The following CGN variants were observed in gnomAD, a reference collection of about 807,000 sequenced individuals.
CGN encodes the protein cingulin.
A neutral mutation model predicts 157.1 loss-of-function variants in CGN; 121 were observed. The ratio of observed to expected loss-of-function variants is 0.77; its 90% CI spans 0.66 to 0.90. CGN has a LOEUF of 0.90. Among genes scored for constraint, CGN ranks in the 40% least tolerant of loss-of-function variants. CGN has a pLI of 0.00. For synonymous variants in CGN, 535 were observed against 607.5 expected (o/e 0.88, Z 1.76); for missense variants, 1,424 against 1,520.9 (o/e 0.94, Z 1.06).
chr1:151,520,562 C>T lies in CGN; in HGVS notation c.1045-34C>T, dbSNP rs546385356. On this transcript the variant is annotated intron_variant, in intron 4 of 20. Transcript: ENST00000271636. ...CTCAGGGGATCCAGACTTGGACTCACTCCCTTCCCCCACACCCCCCATATC... is the reference window on the plus strand; with the variant it reads ...CTCAGGGGATCCAGACTTGGACTCATTCCCTTCCCCCACACCCCCCATATC... 5.0e-6 allele frequency: 8 copies of T among 1,612,794 alleles called. No homozygotes were observed. The African/African-American group carries it at 6.7e-5, about 13-fold the overall frequency.
At position 151,536,831 on chromosome 1, in the gene CGN, G is replaced by A. The variant is rs748652046; in HGVS notation, c.3408G>A (p.Glu1136=). ...GLRKKAQREV[E]EQHEVNEQLQ... ...GGAAGAAGGCCCAGCGTGAGGTGGA[G>A]GAGCAGCATGAGGTCAATGAACAGC... Residue 1136 remains glutamate (E), a synonymous_variant, in exon 20 of 21, where the codon GAG becomes GAA. Coordinates refer to ENST00000271636, the MANE Select transcript of CGN (RefSeq NM_020770.3). The A allele has an allele frequency of 4.3e-6, 7 of 1,614,180 alleles. No individual in the cohort carries two copies. In the South Asian group the frequency reaches 7.7e-5, roughly 18 times the overall value.
At chr1:151,523,927 T>C (rs1454623350) in intron 6 of CGN, among the ~76,000 whole-genome samples, 1 of 152,216 alleles carries the variant, frequency 6.6e-6, no homozygotes, top group East Asian at 1.9e-4. Context: ...GACACATCAG[T>C]GAACCCTATA....
rs754191117 is a variant in CGN, at chr1:151,537,339, C to G, written c.3605C>G (p.Ser1202Cys). The change falls in exon 21 of 21, where the codon TCC becomes TGC. Residue 1202 changes from serine to cysteine, a missense_variant. Ser to Cys is a moderately radical substitution (Grantham distance 112). This residue lies in a region of CGN where 38 missense variants were observed against 31.1 expected (regional missense o/e 1.22). Transcript: ENST00000271636. ...LLTESNLQTS[S>C]C ...ACGGAGAGCAACCTACAGACCAGCT[C>G]CTGTTAGCTCGTGGTCCTCAAGGAC... The G allele has an allele frequency of 1.2e-6, 2 of 1,613,214 alleles. No homozygotes were observed. The highest frequency in any genetic ancestry group is 2.2e-5 in the South Asian group (2 of 90,954).
chr1:151,527,808 TACACACAC>T (rs141985486), intron 10 of CGN: 13 of 156,046 alleles, frequency 8.3e-5, no homozygotes, highest in Admixed American at 1.4e-4. Context: ...TTTGGTTTTA[TACACACAC>T]ACACACACAC....
At chr1:151,523,945 G>A (rs1277920950) in intron 6 of CGN, among the ~76,000 whole-genome samples, 2 of 152,052 alleles carry the variant, frequency 1.3e-5, no homozygotes, top group East Asian at 3.9e-4. Flanking sequence ...ATAGATGAAG[G>A]GCTCGCTCTC....
In CGN at chr1:151,536,236, G is replaced by T; in HGVS notation, c.3198-1G>T. On this transcript the variant is annotated splice_acceptor_variant, in intron 18 of 20. Coordinates refer to ENST00000271636, the MANE Select transcript of CGN (RefSeq NM_020770.3). LOFTEE classifies it high-confidence loss of function. ...ATAGACATTCTTCTACCTCACCTTA[G>T]GGAGAAGACAGTTCTGCAGTCTACC... 1 of 1,582,160 alleles carries T rather than the reference G, an allele frequency of 6.3e-7. No homozygotes were observed. The highest frequency in any genetic ancestry group is 1.1e-5 in the South Asian group (1 of 90,348).
chr1:151,520,151 C>A lies in CGN; in HGVS notation c.874-15C>A. On this transcript the variant is annotated splice_polypyrimidine_tract_variant and intron_variant, in intron 2 of 20. Transcript: ENST00000271636. ...CTTTCTTTCTTTTTTTTTTCTTTTT[C>A]TTTTTTTTTAACAGTTCAAATCAAC... The A allele has an allele frequency of 6.6e-7, 1 of 1,516,758 alleles. No individual in the cohort carries two copies. The highest frequency in any genetic ancestry group is 8.9e-7 in the Non-Finnish European group (1 of 1,120,172). 94.0% of individuals were successfully genotyped at this position (1,516,758 alleles called of 1,614,324 possible).
chr1:151,527,442 A>G (rs1181971919), intron 10 of CGN, among the ~76,000 whole-genome samples: 2 of 152,222 alleles, frequency 1.3e-5, no homozygotes, highest in African/African-American at 4.8e-5. Flanking sequence ...TTTGGTCAGC[A>G]TGGCAAAAGC....
intron 2 of CGN, 101 bp downstream of exon 2, chr1:151,519,493 C>T: frequency 2.8e-6 from 3 of 1,088,098 alleles, no homozygotes; most frequent in South Asian, 1.6e-5. Context: ...TTCAAATAGC[C>T]TAGGCAGAAA....
Position 151,511,423 on chromosome 1 carries a change from C to T in CGN, c.-107C>T. 1 of 155,972 alleles carries T rather than the reference C, an allele frequency of 6.4e-6. No individual in the cohort carries two copies. The highest frequency in any genetic ancestry group is 1.3e-4 in the South Asian group (1 of 7,508). The allele number at this position is 155,972 out of a possible 1,614,324, so 9.7% of individuals were successfully genotyped here. ...AGGACGAGGGGGAGGGCCGGAGCTGCGCGTGCTGCTTTGCCCGAGCCCGAG... is the reference window on the plus strand; with the variant it reads ...AGGACGAGGGGGAGGGCCGGAGCTGTGCGTGCTGCTTTGCCCGAGCCCGAG... On this transcript the variant is annotated 5_prime_UTR_variant, in exon 1 of 21. Coordinates refer to ENST00000271636, the MANE Select transcript of CGN (RefSeq NM_020770.3). The surrounding 1 kb of genome is among the most constrained non-coding windows in gnomAD (Gnocchi z 4.8).
chr1:151,525,400 C>T (rs1337006022), intron 8 of CGN, among the ~76,000 whole-genome samples: 2 of 151,828 alleles, frequency 1.3e-5, no homozygotes, highest in Non-Finnish European at 2.9e-5. Flanking sequence ...CTCTGTCCCC[C>T]TAAAAATAAA....
At chr1:151,517,122 C>T (rs936195749) in intron 1 of CGN, among the ~76,000 whole-genome samples, 1 of 152,038 alleles carries the variant, frequency 6.6e-6, no homozygotes, top group African/African-American at 2.4e-5. Context: ...CACGCCATTG[C>T]ACTTCAGCCT....
At chr1:151,528,624 C>A (rs1178442952) in intron 10 of CGN, among the ~76,000 whole-genome samples, 1 of 152,028 alleles carries the variant, frequency 6.6e-6, no homozygotes, top group East Asian at 1.9e-4. Flanking sequence ...ACCATGTTGT[C>A]CAGGCTGGTT....
intron 1 of CGN, among the ~76,000 whole-genome samples, chr1:151,518,181 AG>A (rs1471785865): frequency 5.3e-5 from 8 of 152,188 alleles, no homozygotes; most frequent in Non-Finnish European, 1.2e-4. Flanking sequence ...AACAAAGCCT[AG>A]CTCCCCAGGG....
At chr1:151,535,162 C>G in intron 16 of CGN, 31 bp downstream of exon 16, 1 of 1,360,452 alleles carries the variant, frequency 7.4e-7, no homozygotes, top group Non-Finnish European at 1.0e-6. Context: ...TCTCTGTTTA[C>G]CCCTGACTGC....
At chr1:151,531,116 G>C (rs1361837793) in intron 13 of CGN, among the ~76,000 whole-genome samples, 1 of 151,896 alleles carries the variant, frequency 6.6e-6, no homozygotes, top group African/African-American at 2.4e-5. Context: ...ACTTCAGCCT[G>C]GGTGACAGAG....
At chr1:151,533,910 G>T in intron 14 of CGN, 65 bp from the exon 15 acceptor site, 1 of 1,438,006 alleles carries the variant, frequency 7.0e-7, no homozygotes, top group Non-Finnish European at 9.4e-7. Flanking sequence ...GGGCTGGACT[G>T]CTCCTGCCCC....
At chr1:151,533,900 G>A in intron 14 of CGN, 75 bp from the exon 15 acceptor site, 1 of 1,354,772 alleles carries the variant, frequency 7.4e-7, no homozygotes, top group South Asian at 1.4e-5. Context: ...TCTGCCCACT[G>A]GGCTGGACTG....
intron 9 of CGN, 83 bp from the exon 10 acceptor site, chr1:151,526,892 G>A: frequency 6.5e-7 from 1 of 1,543,770 alleles, no homozygotes; most frequent in East Asian, 2.3e-5. Context: ...CAGAGAGGTG[G>A]CTTTTATTGT....
Sources: gnomAD v4.1 joint callset for allele counts (sites outside exome capture counted in the v4.1 genomes callset) on GRCh38, gnomAD v4.1.1 for gene constraint, gnomAD v4.1.1 regional missense constraint, Gnocchi (gnomAD v3.1) non-coding constraint, MANE v1.5 for transcripts, NCBI Gene and HGNC (gene_info 2026-07-23, HGNC 2026-07-21) for gene names.